The following DNAH8 variants were observed in gnomAD, a reference collection of about 807,000 sequenced individuals.
The protein encoded by DNAH8 is dynein axonemal heavy chain 8.
In DNAH8, 382 loss-of-function variants were observed where a neutral mutation model predicts 562.1. That is an observed-to-expected ratio of 0.68 (90% confidence interval 0.63 to 0.74). The LOEUF (loss-of-function observed/expected upper bound fraction) is 0.74. Ranked by LOEUF, DNAH8 falls within the 30% of genes least tolerant of loss-of-function variation. DNAH8 has a pLI of 0.00. For missense variants in DNAH8, 5,203 were observed against 5,620.4 expected, an observed-to-expected ratio of 0.93 and a Z score of 2.37; for synonymous variants, 1,881 against 1,919.4, an observed-to-expected ratio of 0.98 and a Z score of 0.52.
In DNAH8 at chr6:38,826,405, G is replaced by T; in HGVS notation, c.4083+14G>T. ...GGACCAATTGAAGTAAGAAATGATT[G>T]CATTTTTTTTTCTTGGAATGCTTTT... On this transcript the variant is annotated intron_variant, in intron 29 of 92. Transcript: ENST00000327475. The T allele has an allele frequency of 1.3e-6, 2 of 1,518,714 alleles. No individual in the cohort carries two copies. Among genetic ancestry groups the T allele is most frequent in the Non-Finnish European group, 1.8e-6 (2 of 1,119,670 alleles). 94.1% of individuals were successfully genotyped at this position (1,518,714 alleles called of 1,614,324 possible).
chr6:38,779,520 A>AG (rs967705550), intron 14 of DNAH8, among the ~76,000 whole-genome samples: 1 of 152,156 alleles, frequency 6.6e-6, no homozygotes, highest in African/African-American at 2.4e-5. Flanking sequence ...TAGCTGACAA[A>AG]GTTGTTTTTG....
At position 38,823,611 on chromosome 6, in the gene DNAH8, T is replaced by A; in HGVS notation, c.3770T>A (p.Leu1257Gln). ...PSLTEIRSEILHYATFEQEID... is the reference protein window; with the variant it reads ...PSLTEIRSEIQHYATFEQEID... ...CTGACTGAAATCAGATCAGAAATTC[T>A]ACACTATGCTACTTTTGAACAGGAG... Residue 1257 changes from leucine to glutamine, a missense_variant, in exon 28 of 93, where the codon CTA (leucine) becomes CAA (glutamine). By Grantham distance (113) the Leu-to-Gln change is moderately radical. Coordinates refer to ENST00000327475, the MANE Select transcript of DNAH8 (RefSeq NM_001206927.2). The A allele has an allele frequency of 6.2e-7, 1 of 1,609,900 alleles. No homozygotes were observed. The highest frequency in any genetic ancestry group is 8.5e-7 in the Non-Finnish European group (1 of 1,176,400).
intron 83 of DNAH8, among the ~76,000 whole-genome samples, chr6:38,973,368 G>C (rs1164320303): frequency 6.6e-6 from 1 of 152,140 alleles, no homozygotes; most frequent in Non-Finnish European, 1.5e-5. Context: ...CCCACCATTA[G>C]ATGGTGCACA....
rs751294266 is a variant in DNAH8 at position 38,982,339 on chromosome 6, T to C, written c.12835-7T>C. The C allele has an allele frequency of 1.1e-5, 16 of 1,443,148 alleles. No homozygotes were observed. The South Asian group carries it at 1.8e-4, about 17-fold the overall frequency. 89.4% of individuals were successfully genotyped at this position (1,443,148 alleles called of 1,614,324 possible). A position where few individuals can be genotyped will look rare whatever the true frequency, so the allele number is the denominator to read the frequency against. ...TGCAATACTTACTTTTCTTTGGTGT[T>C]TTTAAGGAGCGACGAAAATTTGGCC... On this transcript the variant is annotated splice_polypyrimidine_tract_variant and splice_region_variant and intron_variant, in intron 85 of 92. Coordinates refer to ENST00000327475, the MANE Select transcript of DNAH8 (RefSeq NM_001206927.2).
At chr6:38,803,364 A>AT in intron 22 of DNAH8, 53 bp downstream of exon 22, 1 of 1,442,164 alleles carries the variant, frequency 6.9e-7, no homozygotes, top group Non-Finnish European at 9.5e-7. Context: ...ATTCGTTCTT[A>AT]TGTAAGCACC....
chr6:38,848,863 G>A, intron 37 of DNAH8, 62 bp downstream of exon 37: 1 of 1,518,220 alleles, frequency 6.6e-7, no homozygotes, highest in Non-Finnish European at 9.1e-7. Context: ...ATATGTCTCT[G>A]TAAAAGTCTT....
chr6:38,868,596 C>A (rs1169357299), intron 48 of DNAH8, among the ~76,000 whole-genome samples: 1 of 152,172 alleles, frequency 6.6e-6, no homozygotes, highest in Non-Finnish European at 1.5e-5. Flanking sequence ...ACATAAACAT[C>A]ATTTCTATTT....
intron 31 of DNAH8, among the ~76,000 whole-genome samples, chr6:38,833,260 T>C (rs1391373361): frequency 6.6e-6 from 1 of 152,038 alleles, no homozygotes; most frequent in Non-Finnish European, 1.5e-5. Context: ...TTTTAACATG[T>C]GCTAAACATA....
At chr6:38,886,174 T>G (rs555718053) in intron 56 of DNAH8, among the ~76,000 whole-genome samples, 8 of 152,140 alleles carry the variant, frequency 5.3e-5, no homozygotes, top group African/African-American at 1.7e-4. Context: ...GAGCCCAGGA[T>G]GGAACCCTGG....
chr6:38,775,225 A>T (rs1249565313), intron 12 of DNAH8, among the ~76,000 whole-genome samples: 1 of 152,158 alleles, frequency 6.6e-6, no homozygotes, highest in African/African-American at 2.4e-5. Flanking sequence ...TGAGACAAAG[A>T]CAGCCATTTC....
At chr6:38,770,383 T>C (rs1318097129) in intron 11 of DNAH8, 30 bp from the exon 12 acceptor site, 1 of 1,459,446 alleles carries the variant, frequency 6.9e-7, no homozygotes, top group African/African-American at 1.4e-5. Context: ...TCTCACTTTC[T>C]TTTCCCTATT....
At chr6:38,954,407 A>G (rs1762116932) in intron 82 of DNAH8, among the ~76,000 whole-genome samples, 1 of 68,006 alleles carries the variant, frequency 1.5e-5, no homozygotes, top group Admixed American at 1.7e-4. Flanking sequence ...GCTCATAATT[A>G]TAGTAATAAA....
intron 1 of DNAH8, among the ~76,000 whole-genome samples, chr6:38,717,066 G>A (rs1762396666): frequency 6.6e-6 from 1 of 152,190 alleles, no homozygotes; most frequent in Admixed American, 6.5e-5. Context: ...AAAAAGAACA[G>A]CCAAGTGTGA....
At position 38,873,096 on chromosome 6, in the gene DNAH8, GGGCAT is replaced by G. The variant is rs1273741180; in HGVS notation, c.7431_7435del (p.Met2478LeufsTer33). The G allele has an allele frequency of 6.2e-7, 1 of 1,613,810 alleles. No individual in the cohort carries two copies. Among genetic ancestry groups the G allele is most frequent in the Non-Finnish European group, 8.5e-7 (1 of 1,179,974 alleles). ...CCTCTCCTGCCACGGTTTCTAGGAT[GGGCAT>G]GGTCTATATCAGCAGCTCTGCTCTC... On this transcript the variant is annotated frameshift_variant, in exon 51 of 93. Coordinates refer to ENST00000327475, the MANE Select transcript of DNAH8 (RefSeq NM_001206927.2). LOFTEE classifies it high-confidence loss of function.
chr6:39,008,740 T>G (rs1284889894), intron 88 of DNAH8, 74 bp from the exon 89 acceptor site: 2 of 825,910 alleles, frequency 2.4e-6, no homozygotes, highest in African/African-American at 3.5e-5. Flanking sequence ...ATTCTATCAG[T>G]TCATTTTAAC....
intron 42 of DNAH8, 42 bp from the exon 43 acceptor site, chr6:38,860,415 T>C: frequency 8.4e-7 from 1 of 1,184,424 alleles, no homozygotes; most frequent in South Asian, 2.4e-5. Flanking sequence ...TTTATGCTAT[T>C]GCAATTCAGT....
At chr6:38,900,614 T>TAGCAA (rs1196111906) in intron 62 of DNAH8, among the ~76,000 whole-genome samples, 1 of 151,626 alleles carries the variant, frequency 6.6e-6, no homozygotes, top group African/African-American at 2.4e-5. Context: ...TTTTTCATTT[T>TAGCAA]AGCAAATCTT....
chr6:38,761,414 A>G (rs1408512928), intron 10 of DNAH8, among the ~76,000 whole-genome samples: 4 of 150,658 alleles, frequency 2.7e-5, no homozygotes, highest in African/African-American at 7.3e-5. Flanking sequence ...AATTCTGACA[A>G]TGAAAATTCC....
At chr6:38,884,890 C>T (rs1273230687) in intron 56 of DNAH8, among the ~76,000 whole-genome samples, 2 of 152,186 alleles carry the variant, frequency 1.3e-5, no homozygotes, top group Non-Finnish European at 2.9e-5. Context: ...CAGAAGTCCG[C>T]ATGCTCCTGG....
Sources: gnomAD v4.1 joint callset for allele counts (sites outside exome capture counted in the v4.1 genomes callset) on GRCh38, gnomAD v4.1.1 for gene constraint, MANE v1.5 for transcripts, NCBI Gene and HGNC (gene_info 2026-07-23, HGNC 2026-07-21) for gene names.